Variants in USPL1 observed in about 807,000 individuals in gnomAD.
The protein encoded by USPL1 is ubiquitin specific peptidase like 1.
In USPL1, 27 loss-of-function variants were observed where a neutral mutation model predicts 51.5. The ratio of observed to expected loss-of-function variants is 0.52; its 90% CI spans 0.39 to 0.72. The LOEUF (loss-of-function observed/expected upper bound fraction) is 0.72, where lower values mean the gene tolerates loss of function less well. USPL1 is among the 30% of genes least tolerant of loss of function. USPL1 has a pLI of 0.00. For synonymous variants in USPL1, 451 were observed against 459.6 expected, an observed-to-expected ratio of 0.98 and a Z score of 0.24; for missense variants, 1,226 against 1,268.0, an observed-to-expected ratio of 0.97 and a Z score of 0.50.
intron 3 of USPL1, among the ~76,000 whole-genome samples, chr13:30,625,646 A>G (rs962081545): frequency 3.3e-5 from 5 of 151,834 alleles, no homozygotes; most frequent in African/African-American, 1.2e-4. Context: ...GGGTTTCACT[A>G]TGGCCAGGAT....
intron 7 of USPL1, 142 bp from the exon 8 acceptor site, chr13:30,653,006 A>G: frequency 2.8e-6 from 2 of 707,432 alleles, no homozygotes; most frequent in Non-Finnish European, 4.6e-6. Context: ...TAATTAAGGC[A>G]CACATCTGGA....
intron 7 of USPL1, among the ~76,000 whole-genome samples, chr13:30,649,233 T>C (rs1238488571): frequency 6.6e-6 from 1 of 152,240 alleles, no homozygotes; most frequent in Admixed American, 6.5e-5. Context: ...AACTAGTGTA[T>C]GAAGTTTCAC....
chr13:30,641,595 A>C (rs1950947784), intron 5 of USPL1, among the ~76,000 whole-genome samples: 1 of 152,278 alleles, frequency 6.6e-6, no homozygotes, highest in Admixed American at 6.5e-5. Flanking sequence ...GGAAACATGT[A>C]GATTCTCCTG....
rs1361876949 is a variant in USPL1 at position 30,656,454 on chromosome 13, G to A, written c.1397-1020G>A. 2.6e-5 allele frequency among the ~76,000 whole-genome samples: 4 copies of A among 152,076 alleles called. No homozygotes were observed. In the East Asian group the frequency reaches 5.8e-4, roughly 22 times the overall value. On this transcript the variant is annotated intron_variant, in intron 8 of 8. Transcript: ENST00000255304. ...CTAGATACCTCATAGAAGTGGAATC[G>A]TACATTATTTGTCCTTTTGTGTCTG...
Position 30,658,395 on chromosome 13 carries a change from T to G in USPL1, c.2318T>G (p.Leu773Arg), listed in dbSNP as rs765338437. Residue 773 changes from leucine to arginine, a missense_variant, in exon 9 of 9, where the codon CTC becomes CGC. By Grantham distance (102) the Leu-to-Arg change is moderately radical (BLOSUM62 -2). Coordinates refer to ENST00000255304, the MANE Select transcript of USPL1 (RefSeq NM_005800.5). ...LISRGASFMP[L>R]CVSAHNRNTI... Reference sequence around the variant, plus strand: ...AGCAGGGGTGCTTCTTTTATGCCACTCTGTGTTTCAGCTCATAATAGAAAC... The same window carrying G: ...AGCAGGGGTGCTTCTTTTATGCCACGCTGTGTTTCAGCTCATAATAGAAAC... The G allele has an allele frequency of 3.7e-6, 6 of 1,613,684 alleles. No homozygotes were observed. Among genetic ancestry groups the G allele is most frequent in the Admixed American group, 1.7e-5 (1 of 60,002 alleles).
rs60539080 is a variant in USPL1 at position 30,632,406 on chromosome 13, A to ATTTTT, written c.868+953_868+957dup. On this transcript the variant is annotated intron_variant, in intron 4 of 8. Coordinates refer to ENST00000255304, the MANE Select transcript of USPL1 (RefSeq NM_005800.5). ...TTGGTTCCAAGTCTTTGCTATTGTG[A>ATTTTT]TTTTTTTTTTTTTTTTTTTTTTTTT... Among the ~76,000 whole-genome samples the ATTTTT allele has an allele frequency of 2.0e-3, 168 of 83,674 alleles. 4 individuals are homozygous for ATTTTT. The highest frequency in any genetic ancestry group is 3.0e-3 in the Non-Finnish European group (137 of 45,692). 54.9% of individuals were successfully genotyped at this position (83,674 alleles called of 152,430 possible). A position where few individuals can be genotyped will look rare whatever the true frequency, so the allele number is the denominator to read the frequency against.
In USPL1 at chr13:30,659,339, CTGTT is replaced by C. The variant is rs778633322; in HGVS notation, c.3265_3268del (p.Phe1089ArgfsTer27). On this transcript the variant is annotated frameshift_variant, in exon 9 of 9. Transcript: ENST00000255304. LOFTEE classifies it high-confidence loss of function. ...AGACCTACCTCATTTCGATGAATAT[CTGTT>C]TGAGAATTATTGAATTAATGCTTGT... The C allele has an allele frequency of 2.5e-6, 4 of 1,593,864 alleles. No homozygotes were observed. In the Admixed American group the frequency reaches 5.4e-5, roughly 22 times the overall value.
chr13:30,655,857 T>C (rs1313268286), intron 8 of USPL1, among the ~76,000 whole-genome samples: 1 of 152,244 alleles, frequency 6.6e-6, no homozygotes, highest in Non-Finnish European at 1.5e-5. Context: ...GACATCGTGA[T>C]TTATTAATTT....
chr13:30,625,519 C>T (rs1215796142), intron 3 of USPL1, among the ~76,000 whole-genome samples: 3 of 145,500 alleles, frequency 2.1e-5, no homozygotes, highest in Non-Finnish European at 4.5e-5. Flanking sequence ...GATCTCGGCT[C>T]ACCGCAACCT....
chr13:30,660,111 G>A lies in USPL1; in HGVS notation c.*755G>A, dbSNP rs1951237698. On this transcript the variant is annotated 3_prime_UTR_variant, in exon 9 of 9. Coordinates refer to ENST00000255304, the MANE Select transcript of USPL1 (RefSeq NM_005800.5). ...ACAGGTCTCTGAAGCTCTTAGCAGA[G>A]AGGGTAGCTCCTCCCTGTTGCTGGT... 1 of 152,292 alleles carries A rather than the reference G, an allele frequency of 6.6e-6. No individual in the cohort carries two copies. The highest frequency in any genetic ancestry group is 1.5e-5 in the Non-Finnish European group (1 of 68,108). 9.4% of individuals were successfully genotyped at this position (152,292 alleles called of 1,614,324 possible). A position where few individuals can be genotyped will look rare whatever the true frequency, so the allele number is the denominator to read the frequency against.
At chr13:30,634,679 T>G (rs536803614) in intron 4 of USPL1, among the ~76,000 whole-genome samples, 1 of 152,324 alleles carries the variant, frequency 6.6e-6, no homozygotes, top group East Asian at 1.9e-4. Flanking sequence ...GGGGCAAGTC[T>G]CCTGGGGCAC....
At chr13:30,618,118 G>C (rs917709622) in intron 1 of USPL1, 62 bp downstream of exon 1, 2 of 152,610 alleles carry the variant, frequency 1.3e-5, no homozygotes, top group Admixed American at 1.3e-4. Flanking sequence ...GACAGAGCTG[G>C]GATGACCTAT....
chr13:30,637,594 C>A, intron 4 of USPL1, 150 bp from the exon 5 acceptor site: 1 of 606,418 alleles, frequency 1.6e-6, no homozygotes, highest in Admixed American at 3.0e-5. Flanking sequence ...TATGGTATAC[C>A]ACAGAGAAAG....
At chr13:30,634,628 G>GT (rs1385652932) in intron 4 of USPL1, among the ~76,000 whole-genome samples, 8 of 152,084 alleles carry the variant, frequency 5.3e-5, no homozygotes, top group Admixed American at 2.6e-4. Flanking sequence ...GGACAGTGGG[G>GT]TTTTTTTGCC....
intron 3 of USPL1, among the ~76,000 whole-genome samples, chr13:30,623,654 A>G (rs1390368655): frequency 6.6e-6 from 1 of 152,198 alleles, no homozygotes; most frequent in African/African-American, 2.4e-5. Context: ...GTGACTTAGG[A>G]TGGAGCCGTA....
At chr13:30,653,374 T>C (rs1245522216) in intron 8 of USPL1, 69 bp downstream of exon 8, 3 of 1,428,720 alleles carry the variant, frequency 2.1e-6, no homozygotes, top group Non-Finnish European at 2.8e-6. Flanking sequence ...TGGGGACTTT[T>C]TGGTTTTTGT....
chr13:30,658,552 C>G lies in USPL1; in HGVS notation c.2475C>G (p.Ile825Met). The G allele has an allele frequency of 1.2e-6, 2 of 1,614,092 alleles. No individual in the cohort carries two copies. The highest frequency in any genetic ancestry group is 1.7e-6 in the Non-Finnish European group (2 of 1,179,980). Residue 825 changes from isoleucine to methionine, a missense_variant, in exon 9 of 9, where the codon ATC becomes ATG. Coordinates refer to ENST00000255304, the MANE Select transcript of USPL1 (RefSeq NM_005800.5). Reference protein sequence around the residue: ...ARKSASKPPPISKPPAGPPSS... With the variant: ...ARKSASKPPPMSKPPAGPPSS... ...AGAGTGCAAGTAAGCCTCCTCCCAT[C>G]AGTAAGCCACCAGCAGGCCCTCCAT... is the stretch of plus-strand genomic sequence containing the variant.
intron 4 of USPL1, among the ~76,000 whole-genome samples, chr13:30,637,159 G>T (rs1950887493): frequency 6.6e-6 from 1 of 152,154 alleles, no homozygotes; most frequent in Non-Finnish European, 1.5e-5. Context: ...TGTTGCCCAG[G>T]CTGGTCAGTT....
At position 30,620,874 on chromosome 13, in the gene USPL1, C is replaced by G. The variant is rs556920842; in HGVS notation, c.-68-199C>G. Among the ~76,000 whole-genome samples, 5 of 152,306 alleles carry G rather than the reference C, an allele frequency of 3.3e-5. No individual in the cohort carries two copies. In the East Asian group the frequency reaches 9.6e-4, roughly 29 times the overall value. ...TGAAAACCGGTCCTGTTGCCAGTCA[C>G]TACCCTCTGTTCACAAATTTGCTGG... On this transcript the variant is annotated intron_variant, in intron 1 of 8. Transcript: ENST00000255304.
Sources: allele counts gnomAD v4.1 joint callset (sites outside exome capture counted in the v4.1 genomes callset), GRCh38; gene constraint gnomAD v4.1.1; transcripts MANE v1.5; gene names NCBI Gene and HGNC (gene_info 2026-07-23, HGNC 2026-07-21).